Variants in MOBP observed in about 807,000 individuals in gnomAD.
The protein encoded by MOBP is myelin-associated oligodendrocyte basic protein.
In MOBP, 5 loss-of-function variants were observed where a neutral mutation model predicts 15.0. The ratio of observed to expected loss-of-function variants is 0.33; its 90% confidence interval spans 0.17 to 0.70. The LOEUF (loss-of-function observed/expected upper bound fraction) is 0.70. Ranked by LOEUF, MOBP falls within the 30% of genes least tolerant of loss-of-function variation. The probability of loss-of-function intolerance (pLI) is 0.67; values close to 1 mark genes in which losing one functional copy is unlikely to be tolerated. For synonymous variants in MOBP, 88 were observed against 99.0 expected (o/e 0.89, Z 0.66); for missense variants, 188 against 257.8 (o/e 0.73, Z 1.85).
Position 39,502,529 on chromosome 3 carries a change from T to C in MOBP, c.207-6T>C. The C allele has an allele frequency of 1.3e-6, 2 of 1,574,408 alleles. No homozygotes were observed. Among genetic ancestry groups the C allele is most frequent in the Admixed American group, 1.8e-5 (1 of 56,416 alleles). ...TCCCGCCTCCAGCTTCTTTTGGCCCTCTCAGAACCAGCCGCCGTGCCAAGT... is the reference window on the plus strand; with the variant it reads ...TCCCGCCTCCAGCTTCTTTTGGCCCCCTCAGAACCAGCCGCCGTGCCAAGT... On this transcript the variant is annotated splice_polypyrimidine_tract_variant and splice_region_variant and intron_variant, in intron 3 of 3. Transcript: ENST00000684792. The surrounding 1 kb of genome is among the most constrained non-coding windows in gnomAD (Gnocchi z 6.3).
intron 2 of MOBP, among the ~76,000 whole-genome samples, chr3:39,488,454 T>C (rs778086728): frequency 1.1e-4 from 16 of 152,218 alleles, no homozygotes; most frequent in Admixed American, 5.9e-4. Context: ...GCTTCCTTGC[T>C]GACATTCAGT....
chr3:39,481,351 CTA>C (rs1041877893), intron 2 of MOBP, among the ~76,000 whole-genome samples: 1 of 152,212 alleles, frequency 6.6e-6, no homozygotes, highest in Admixed American at 6.5e-5. Flanking sequence ...AAAATGGAAA[CTA>C]TTAGACGGAG....
At position 39,508,468 on chromosome 3, in the gene MOBP, A is replaced by G. The variant is rs1022557103; in HGVS notation, c.*-4915A>G. 7.9e-5 allele frequency among the ~76,000 whole-genome samples: 12 copies of G among 152,084 alleles called. 1 individual carries two copies. ...TAACTTTTGCCTTTTCTAAGATTCCATATAAGTGGAATTATGTAATATTAT... is the reference window on the plus strand; with the variant it reads ...TAACTTTTGCCTTTTCTAAGATTCCGTATAAGTGGAATTATGTAATATTAT... On this transcript the variant is annotated intron_variant, in intron 4 of 4. Transcript: ENST00000311042.
chr3:39,477,853 A>C (rs1457616859), intron 1 of MOBP, among the ~76,000 whole-genome samples: 1 of 151,914 alleles, frequency 6.6e-6, no homozygotes, highest in African/African-American at 2.4e-5. Context: ...AAAAATTAAA[A>C]ATTAAAAATT....
intron 2 of MOBP, among the ~76,000 whole-genome samples, chr3:39,494,782 G>GCCCCCCCCCCCCCCCCC (rs142834446): frequency 2.3e-5 from 2 of 85,936 alleles, no homozygotes; most frequent in African/African-American, 4.6e-5. Context: ...TATTTTCAAA[G>GCCCCCCCCCCCCCCCCC]CCCCCCCCCG....
downstream of MOBP, chr3:39,526,414 G>A (rs558668526): frequency 2.0e-5 from 3 of 152,156 alleles, no homozygotes; most frequent in Non-Finnish European, 4.4e-5. Context: ...AATGTAATGT[G>A]CCTTGGATAT....
At chr3:39,469,820 C>T (rs1343951790) in intron 1 of MOBP, among the ~76,000 whole-genome samples, 2 of 152,134 alleles carry the variant, frequency 1.3e-5, no homozygotes, top group African/African-American at 4.8e-5. Context: ...TACCTAAAAT[C>T]TTTGTACACC....
rs1427601630 is a variant in MOBP at position 39,468,788 on chromosome 3, GTGTGTGTATATATACATA to G, written c.-89+1056_-89+1073del. On this transcript the variant is annotated intron_variant, in intron 1 of 3. Transcript: ENST00000684792. ...TGTGTGTATATATACATATATACAT[GTGTGTGTATATATACATA>G]TGTGTGTGTATACATATTACATATG... 1.0e-4 allele frequency among the ~76,000 whole-genome samples: 5 copies of G among 48,614 alleles called. 2 individuals carry two copies. In the African/African-American group the frequency reaches 1.5e-3, roughly 14 times the overall value. The allele number at this position is 48,614 out of a possible 152,430, so 31.9% of individuals were successfully genotyped here. A position where few individuals can be genotyped will look rare whatever the true frequency, so the allele number is the denominator to read the frequency against.
At chr3:39,527,282 A>T (rs978020747), downstream of MOBP, 1 of 152,224 alleles carries the variant, frequency 6.6e-6, no homozygotes, top group African/African-American at 2.4e-5. Flanking sequence ...CCATAAATAT[A>T]CAAAGGCACT....
intron 2 of MOBP, among the ~76,000 whole-genome samples, chr3:39,498,090 G>T (rs1243647235): frequency 3.3e-5 from 5 of 152,226 alleles, no homozygotes; most frequent in Non-Finnish European, 7.3e-5. Context: ...CTTAAAATAT[G>T]TAAGGATGTG....
intron 4 of MOBP, among the ~76,000 whole-genome samples, chr3:39,512,312 A>G (rs1419027708): frequency 1.3e-5 from 2 of 152,206 alleles, no homozygotes; most frequent in Admixed American, 1.3e-4. Flanking sequence ...TGCTAGTCTC[A>G]GCACCTGGGT....
chr3:39,469,205 C>CATATGTGTGTATATATACATATATACAT (rs763474071), intron 1 of MOBP, among the ~76,000 whole-genome samples: 20 of 59,990 alleles, frequency 3.3e-4, no homozygotes, highest in African/African-American at 2.1e-3. Flanking sequence ...TACATATATA[C>CATATGTGTGTATATATACATATATACAT]ATGTGTGTGT....
chr3:39,517,478 C>A (rs1473949633), downstream of MOBP, among the ~76,000 whole-genome samples: 1 of 152,162 alleles, frequency 6.6e-6, no homozygotes, highest in Non-Finnish European at 1.5e-5. Flanking sequence ...CCAGGCCACA[C>A]CTTCACATCA....
At chr3:39,488,004 A>G (rs535838569) in intron 2 of MOBP, among the ~76,000 whole-genome samples, 74 of 152,188 alleles carry the variant, frequency 4.9e-4, no homozygotes, top group African/African-American at 1.7e-3. Context: ...TTTTCCTTCT[A>G]TTTATTCATG....
chr3:39,522,193 A>G (rs1238225568), intron 3 of MOBP, among the ~76,000 whole-genome samples: 2 of 152,216 alleles, frequency 1.3e-5, no homozygotes, highest in Non-Finnish European at 2.9e-5. Flanking sequence ...GAAGGTCTCT[A>G]AGCTTCATTT....
chr3:39,498,330 TTTG>T (rs149800261), intron 2 of MOBP, among the ~76,000 whole-genome samples: 8 of 151,848 alleles, frequency 5.3e-5, no homozygotes, highest in African/African-American at 1.2e-4. Flanking sequence ...AGGGCAGTTT[TTTG>T]TTGTTGTTGT....
chr3:39,507,104 T>C (rs1226947113), downstream of MOBP, among the ~76,000 whole-genome samples: 3 of 152,232 alleles, frequency 2.0e-5, no homozygotes, highest in Non-Finnish European at 2.9e-5. Flanking sequence ...CCTTCTCTTG[T>C]GGTTTTAATT....
At chr3:39,496,440 C>G (rs368330419) in intron 2 of MOBP, among the ~76,000 whole-genome samples, 1 of 151,928 alleles carries the variant, frequency 6.6e-6, no homozygotes, top group South Asian at 2.1e-4. Context: ...ACCTCATGAT[C>G]CGCCCACCTT....
chr3:39,484,522 C>T (rs996607273), intron 2 of MOBP, among the ~76,000 whole-genome samples: 5 of 152,218 alleles, frequency 3.3e-5, no homozygotes, highest in African/African-American at 4.8e-5. Flanking sequence ...CAGCTGGGCC[C>T]GCCTGTCCCC....
Sources: allele counts gnomAD v4.1 joint callset (sites outside exome capture counted in the v4.1 genomes callset), GRCh38; gene constraint gnomAD v4.1.1; non-coding constraint Gnocchi (gnomAD v3.1); transcripts MANE v1.5; gene names NCBI Gene and HGNC (gene_info 2026-07-23, HGNC 2026-07-21).